NBEAL1: variants seen among roughly 807,000 people sequenced by gnomAD.
NBEAL1 encodes the protein neurobeachin like 1.
In NBEAL1, 273 loss-of-function variants were observed where a neutral mutation model predicts 351.3. The ratio of observed to expected loss-of-function variants is 0.78; its 90% CI spans 0.70 to 0.86. The LOEUF (loss-of-function observed/expected upper bound fraction) is 0.86, where lower values mean the gene tolerates loss of function less well. Among genes scored for constraint, NBEAL1 ranks in the 40% least tolerant of loss-of-function variants. NBEAL1 has a pLI of 0.00. For missense variants in NBEAL1, 2,961 were observed against 3,201.3 expected, an observed-to-expected ratio of 0.92 and a Z score of 1.81; for synonymous variants, 1,050 against 1,086.4, an observed-to-expected ratio of 0.97 and a Z score of 0.66.
Position 203,145,056 on chromosome 2 carries a change from G to A in NBEAL1, c.5200G>A (p.Gly1734Ser), listed in dbSNP as rs199533293. 436 of 1,610,854 alleles carry A rather than the reference G, an allele frequency of 2.7e-4. 1 individual carries two copies. Among genetic ancestry groups the A allele is most frequent in the Non-Finnish European group, 3.6e-4 (429 of 1,178,624 alleles). ...KQYEAHTFYD[G>S]HENMALYWKD... ...GTATGAAGCTCATACATTTTACGAT[G>A]GTCATGAGAACATGGCACTTTATTG... Residue 1734 changes from glycine (G) to serine (S), a missense_variant, in exon 33 of 56, where the codon GGT (glycine) becomes AGT (serine). Coordinates refer to ENST00000683969, the MANE Select transcript of NBEAL1 (RefSeq NM_001378026.1).
Position 203,057,379 on chromosome 2 carries a change from A to ATTTGTGATCCACGCATTGGCAT in NBEAL1, c.449_470dup (p.Glu157AspfsTer8). On this transcript the variant is annotated frameshift_variant, in exon 6 of 56. Transcript: ENST00000683969. LOFTEE classifies it high-confidence loss of function. ...TGGCAGATCAGACATGTATTGAAGA[A>ATTTGTGATCCACGCATTGGCAT]TTTGTGATCCACGCATTGGCATTTT... 1 of 1,552,604 alleles carries ATTTGTGATCCACGCATTGGCAT rather than the reference A, an allele frequency of 6.4e-7. No individual in the cohort carries two copies. Among genetic ancestry groups the ATTTGTGATCCACGCATTGGCAT allele is most frequent in the South Asian group, 1.2e-5 (1 of 84,212 alleles).
At chr2:203,084,812 T>TA (rs1213076829) in intron 10 of NBEAL1, 3 of 304,326 alleles carry the variant, frequency 9.9e-6, no homozygotes, top group African/African-American at 6.6e-5. Context: ...ATGACATATA[T>TA]TATTTTCATT....
At chr2:203,081,278 A>G (rs1206595574) in intron 8 of NBEAL1, among the ~76,000 whole-genome samples, 5 of 152,146 alleles carry the variant, frequency 3.3e-5, no homozygotes, top group South Asian at 2.1e-4. Flanking sequence ...CATATTTGAA[A>G]CCTGTCCTGT....
In NBEAL1 at chr2:203,144,843, T is replaced by A; in HGVS notation, c.5092T>A (p.Phe1698Ile). The change falls in exon 32 of 56, where the codon TTT (phenylalanine) becomes ATT (isoleucine). Residue 1698 changes from phenylalanine to isoleucine, a missense_variant. Phe to Ile is a conservative substitution (Grantham distance 21, BLOSUM62 0). Transcript: ENST00000683969. ...ACCTTTTACCAATGGTAGCTCCTCA[T>A]TTTTTGAAGATTTTCAAGAATATTG... The part of the protein sequence containing the change: ...SLPFTNGSSS[F>I]FEDFQEYCNS... 1 of 1,611,090 alleles carries A rather than the reference T, an allele frequency of 6.2e-7. No individual in the cohort carries two copies. The highest frequency in any genetic ancestry group is 8.5e-7 in the Non-Finnish European group (1 of 1,178,960).
At chr2:203,111,035 G>T (rs1156693948) in intron 15 of NBEAL1, among the ~76,000 whole-genome samples, 1 of 151,912 alleles carries the variant, frequency 6.6e-6, no homozygotes, top group African/African-American at 2.4e-5. Flanking sequence ...ATTTAATTTT[G>T]AATTTCAATT....
intron 6 of NBEAL1, among the ~76,000 whole-genome samples, chr2:203,059,551 A>T (rs1454028042): frequency 6.6e-6 from 1 of 152,242 alleles, no homozygotes; most frequent in East Asian, 1.9e-4. Flanking sequence ...GCTACATGAC[A>T]CATGTCATTT....
intron 36 of NBEAL1, among the ~76,000 whole-genome samples, chr2:203,161,700 G>T (rs1247669965): frequency 6.6e-6 from 1 of 151,566 alleles, no homozygotes; most frequent in Non-Finnish European, 1.5e-5. Flanking sequence ...CATGGTGGTG[G>T]TGTGTGCCTA....
At chr2:203,170,035 T>C (rs2064270897) in intron 39 of NBEAL1, among the ~76,000 whole-genome samples, 184 bp downstream of exon 39, 1 of 152,194 alleles carries the variant, frequency 6.6e-6, no homozygotes, top group African/African-American at 2.4e-5. Context: ...CCACCTCCTG[T>C]ATCATTCAGT....
intron 10 of NBEAL1, among the ~76,000 whole-genome samples, chr2:203,093,094 T>A (rs2062098525): frequency 6.6e-6 from 1 of 151,774 alleles, no homozygotes; most frequent in Admixed American, 6.6e-5. Flanking sequence ...TAGCCAGCCG[T>A]GGTGGTACAT....
intron 2 of NBEAL1, among the ~76,000 whole-genome samples, chr2:203,017,197 T>C (rs2060696040): frequency 6.6e-6 from 1 of 152,224 alleles, no homozygotes; most frequent in Admixed American, 6.5e-5. Context: ...AGGTACATTA[T>C]TACTTTGAAG....
At chr2:203,080,327 G>A (rs1239448177) in intron 8 of NBEAL1, among the ~76,000 whole-genome samples, 1 of 152,112 alleles carries the variant, frequency 6.6e-6, no homozygotes, top group African/African-American at 2.4e-5. Flanking sequence ...CAGGAGAATG[G>A]CGTGAACCCG....
chr2:203,151,034 A>C (rs2063636789), intron 34 of NBEAL1, among the ~76,000 whole-genome samples: 1 of 152,186 alleles, frequency 6.6e-6, no homozygotes, highest in Non-Finnish European at 1.5e-5. Flanking sequence ...GCAGTTTTAT[A>C]AAATGGTGCT....
chr2:203,124,023 GACAA>G (rs1324116138), intron 19 of NBEAL1, among the ~76,000 whole-genome samples: 1 of 152,058 alleles, frequency 6.6e-6, no homozygotes, highest in African/African-American at 2.4e-5. Flanking sequence ...AAACTGGTAT[GACAA>G]ACAGTCAAAA....
intron 2 of NBEAL1, among the ~76,000 whole-genome samples, chr2:203,018,938 C>T (rs1044105701): frequency 6.6e-6 from 1 of 152,046 alleles, no homozygotes; most frequent in Non-Finnish European, 1.5e-5. Context: ...TCTTAATATT[C>T]GTATTTTCCC....
In NBEAL1 at chr2:203,132,091, C is replaced by T; in HGVS notation, c.3683C>T (p.Thr1228Ile). 1 of 1,544,592 alleles carries T rather than the reference C, an allele frequency of 6.5e-7. No homozygotes were observed. Among genetic ancestry groups the T allele is most frequent in the Non-Finnish European group, 8.8e-7 (1 of 1,140,486 alleles). The change falls in exon 26 of 56, where the codon ACT (threonine) becomes ATT (isoleucine). Residue 1228 changes from threonine to isoleucine, a missense_variant. Thr to Ile is a moderately conservative substitution (Grantham distance 89, BLOSUM62 -1). Coordinates refer to ENST00000683969, the MANE Select transcript of NBEAL1 (RefSeq NM_001378026.1). ...CTTCTTAATGAAGCACTTGTTAATA[C>T]TTCTCTTATTAAAAACCTCACCCAT... ...GLLLNEALVNTSLIKNLTHQI... is the reference protein window; with the variant it reads ...GLLLNEALVNISLIKNLTHQI...
At chr2:203,039,569 T>C (rs982097102) in intron 2 of NBEAL1, among the ~76,000 whole-genome samples, 3 of 151,358 alleles carry the variant, frequency 2.0e-5, no homozygotes, top group Admixed American at 1.3e-4. Flanking sequence ...AATTTTTGTA[T>C]TTTTAGTAGA....
intron 55 of NBEAL1, among the ~76,000 whole-genome samples, chr2:203,216,753 A>G (rs1267254218): frequency 6.6e-6 from 1 of 152,198 alleles, no homozygotes; most frequent in Non-Finnish European, 1.5e-5. Flanking sequence ...TCTCAAAGAC[A>G]AAATAAGTGT....
intron 7 of NBEAL1, among the ~76,000 whole-genome samples, chr2:203,071,741 G>A (rs1163996475): frequency 6.6e-6 from 1 of 152,070 alleles, no homozygotes; most frequent in Non-Finnish European, 1.5e-5. Flanking sequence ...AAACAAATAA[G>A]TTATATGTAA....
In NBEAL1 at chr2:203,040,124, A is replaced by G. The variant is rs1559325207; in HGVS notation, c.52-1641A>G. The G allele has an allele frequency of 6.7e-6, 8 of 1,200,658 alleles. No homozygotes were observed. In the East Asian group the frequency reaches 1.4e-4, roughly 21 times the overall value. The allele number at this position is 1,200,658 out of a possible 1,614,324, so 74.4% of individuals were successfully genotyped here. A position where few individuals can be genotyped will look rare whatever the true frequency, so the allele number is the denominator to read the frequency against. On this transcript the variant is annotated intron_variant, in intron 2 of 55. Coordinates refer to ENST00000683969, the MANE Select transcript of NBEAL1 (RefSeq NM_001378026.1). ...ACTAGAAAGATGGCAGAGCAAGAGC[A>G]AAGAAAAATCCATTTGGTTCCAGAA...
Sources: gnomAD v4.1 joint callset for allele counts (sites outside exome capture counted in the v4.1 genomes callset) on GRCh38, gnomAD v4.1.1 for gene constraint, MANE v1.5 for transcripts, NCBI Gene and HGNC (gene_info 2026-07-23, HGNC 2026-07-21) for gene names.